RFX4: variants seen among roughly 807,000 people sequenced by gnomAD.
RFX4 encodes the protein transcription factor RFX4.
RFX4 carries 10 observed loss-of-function variants against 95.0 expected under a neutral mutation model. The observed-to-expected ratio is 0.11, with a 90% CI of 0.06 to 0.18. RFX4 has a LOEUF of 0.18. Among genes scored for constraint, RFX4 ranks in the 10% least tolerant of loss-of-function variants. The pLI, the probability that RFX4 is intolerant of heterozygous loss-of-function variation, is 1.00. For synonymous variants in RFX4, 321 were observed against 340.7 expected (o/e 0.94, Z 0.64); for missense variants, 640 against 922.0 (o/e 0.69, Z 3.96).
intron 4 of RFX4, among the ~76,000 whole-genome samples, chr12:106,678,188 A>T (rs1209717451): frequency 3.3e-5 from 5 of 152,166 alleles, no homozygotes; most frequent in Non-Finnish European, 5.9e-5. Flanking sequence ...GGTAGAACAA[A>T]TGGCTCCAGA....
chr12:106,756,740 T>C (rs1157530617), intron 17 of RFX4, among the ~76,000 whole-genome samples: 1 of 152,156 alleles, frequency 6.6e-6, no homozygotes, highest in Admixed American at 6.5e-5. Context: ...GTCAAGTGAG[T>C]TAATAAAGGT....
chr12:106,745,741 C>T (rs753229723), intron 15 of RFX4, among the ~76,000 whole-genome samples: 27 of 152,138 alleles, frequency 1.8e-4, no homozygotes, highest in Admixed American at 5.2e-4. Context: ...TTTTACTTCA[C>T]CTTAAAAATG....
intron 9 of RFX4, among the ~76,000 whole-genome samples, chr12:106,711,047 CATA>C (rs1397841583): frequency 6.6e-6 from 1 of 152,194 alleles, no homozygotes; most frequent in African/African-American, 2.4e-5. Flanking sequence ...TACTATTAGA[CATA>C]CTACTTTTTA....
rs375790834 is a variant in RFX4 at position 106,716,906 on chromosome 12, C to A, written c.1138+1362C>A. On this transcript the variant is annotated intron_variant, in intron 11 of 17. Coordinates refer to ENST00000392842, the MANE Select transcript of RFX4 (RefSeq NM_213594.3). ...AACTCAAGGTCATGCAGCCACTAAG[C>A]AATAGAGCTGAACCCAAGTCTGGTC... Among the ~76,000 whole-genome samples the A allele has an allele frequency of 4.2e-5, 6 of 141,808 alleles. No individual in the cohort carries two copies. The South Asian group carries it at 1.1e-3, about 26-fold the overall frequency. The allele number at this position is 141,808 out of a possible 152,430, so 93.0% of individuals were successfully genotyped here. A position where few individuals can be genotyped will look rare whatever the true frequency, so the allele number is the denominator to read the frequency against.
At chr12:106,731,800 C>A (rs546403225) in intron 13 of RFX4, among the ~76,000 whole-genome samples, 1 of 151,768 alleles carries the variant, frequency 6.6e-6, no homozygotes, top group Non-Finnish European at 1.5e-5. Context: ...GCGGTGCTCA[C>A]ATGAGGATGA....
At chr12:106,614,013 A>ATT (rs2040016776) in intron 2 of RFX4, among the ~76,000 whole-genome samples, 1 of 152,230 alleles carries the variant, frequency 6.6e-6, no homozygotes, top group African/African-American at 2.4e-5. Context: ...TTCCTTGCCA[A>ATT]CATTTGGGAT....
At chr12:106,611,713 A>G (rs540587250) in intron 2 of RFX4, among the ~76,000 whole-genome samples, 6 of 152,086 alleles carry the variant, frequency 3.9e-5, no homozygotes, top group African/African-American at 1.4e-4. Flanking sequence ...GGGTTTCACC[A>G]TGTTGGTCAG....
chr12:106,760,026 T>A (rs2043181812), intron 17 of RFX4, among the ~76,000 whole-genome samples: 1 of 152,152 alleles, frequency 6.6e-6, no homozygotes, highest in Non-Finnish European at 1.5e-5. Flanking sequence ...TCATAACCCC[T>A]TCTCCCTGCT....
At chr12:106,683,482 A>AAC (rs1358206494) in intron 5 of RFX4, 15 of 149,448 alleles carry the variant, frequency 1.0e-4, no homozygotes, top group East Asian at 1.9e-4. Flanking sequence ...AAAAAAAAAA[A>AAC]AAAAAAAAAA....
intron 5 of RFX4, 44 bp from the exon 6 acceptor site, chr12:106,686,839 CT>C (rs56287989): frequency 0.043 from 57,504 of 1,328,224 alleles, 476 homozygotes; most frequent in African/African-American, 0.14. Flanking sequence ...GGGTCTCTCT[CT>C]TTTTTTTTTT....
At chr12:106,747,416 C>A in intron 15 of RFX4, 21 bp from the exon 16 acceptor site, 6 of 1,608,900 alleles carry the variant, frequency 3.7e-6, no homozygotes, top group Non-Finnish European at 5.1e-6. Flanking sequence ...ATGATCAAGA[C>A]GTCTTAATTT....
At chr12:106,601,403 A>T in intron 1 of RFX4, 1 of 1,517,876 alleles carries the variant, frequency 6.6e-7, no homozygotes, top group Non-Finnish European at 8.9e-7. Context: ...CCTCAGGGGG[A>T]ACTGGGGCCA....
At chr12:106,716,172 C>CTAT (rs2042287061) in intron 11 of RFX4, among the ~76,000 whole-genome samples, 1 of 152,126 alleles carries the variant, frequency 6.6e-6, no homozygotes, top group Non-Finnish European at 1.5e-5. Flanking sequence ...CACATCCCTG[C>CTAT]TATTCCTCAG....
intron 4 of RFX4, among the ~76,000 whole-genome samples, chr12:106,665,980 T>G (rs2041169530): frequency 6.6e-6 from 1 of 152,032 alleles, no homozygotes; most frequent in African/African-American, 2.4e-5. Flanking sequence ...GTCCTCTTCC[T>G]TTCTTTGTGT....
chr12:106,601,938 G>T (rs969840169), intron 1 of RFX4, among the ~76,000 whole-genome samples: 3 of 152,168 alleles, frequency 2.0e-5, no homozygotes, highest in Non-Finnish European at 4.4e-5. Context: ...CAGCTGAAAT[G>T]CCACCCCCTC....
chr12:106,709,393 C>T lies in RFX4; in HGVS notation c.897C>T (p.His299=), dbSNP rs755921781. The part of the protein sequence containing the change: ...QLDEWLKVAL[H]DLPENLRNIK... ...ATGAGTGGCTAAAAGTGGCTCTCCA[C>T]GACCTCCCAGAAAACTTGCGAAACA... Residue 299 remains histidine, a synonymous_variant, in exon 9 of 18, where the codon CAC becomes CAT. Transcript: ENST00000392842. The T allele has an allele frequency of 2.4e-5, 39 of 1,613,006 alleles. No individual in the cohort carries two copies. Among genetic ancestry groups the T allele is most frequent in the Middle Eastern group, 1.6e-4 (1 of 6,078 alleles).
intron 5 of RFX4, chr12:106,684,733 G>A: frequency 6.6e-7 from 1 of 1,518,920 alleles, no homozygotes; most frequent in Non-Finnish European, 8.9e-7. Flanking sequence ...TATGACAGTT[G>A]AGAAGTAGTA....
Position 106,715,411 on chromosome 12 carries a change from A to G in RFX4, c.1005A>G (p.Thr335=), listed in dbSNP as rs2042267862. ...GGATTGGATTATAGGCATCTCGAAC[A>G]GTGATCCACAGTGCAGACATCACGT... is the stretch of plus-strand genomic sequence containing the variant. ...SLNHLCQASR[T]VIHSADITFQ... The change falls in exon 11 of 18, where the codon ACA becomes ACG. Residue 335 remains threonine, a synonymous_variant. Transcript: ENST00000392842. The G allele has an allele frequency of 1.2e-6, 2 of 1,614,148 alleles. No homozygotes were observed. The highest frequency in any genetic ancestry group is 8.5e-7 in the Non-Finnish European group (1 of 1,180,000).
At chr12:106,635,399 G>A (rs1223001036) in intron 2 of RFX4, among the ~76,000 whole-genome samples, 9 of 151,960 alleles carry the variant, frequency 5.9e-5, no homozygotes, top group East Asian at 1.9e-4. Context: ...TGCAACCTCC[G>A]CCTCCCAGGC....
Sources: gnomAD v4.1 joint callset for allele counts (sites outside exome capture counted in the v4.1 genomes callset) on GRCh38, gnomAD v4.1.1 for gene constraint, MANE v1.5 for transcripts, NCBI Gene and HGNC (gene_info 2026-07-23, HGNC 2026-07-21) for gene names.